PDE7B: variants seen among roughly 807,000 people sequenced by gnomAD.
The protein encoded by PDE7B is phosphodiesterase 7B.
Under a neutral mutation model 56.2 loss-of-function variants are expected in PDE7B, and 29 were observed. That is an observed-to-expected ratio of 0.52 (90% confidence interval 0.38 to 0.70). The LOEUF is 0.70. Among genes scored for constraint, PDE7B ranks in the 30% least tolerant of loss-of-function variants. The pLI is 0.00. For missense variants in PDE7B, 490 were observed against 565.0 expected (o/e 0.87, Z 1.35); for synonymous variants, 197 against 196.9 (o/e 1.00, Z 0.00).
intron 3 of PDE7B, among the ~76,000 whole-genome samples, chr6:136,129,156 A>T (rs912333227): frequency 1.1e-4 from 16 of 152,202 alleles, no homozygotes; most frequent in African/African-American, 3.6e-4. Flanking sequence ...AAAGACTGAT[A>T]AGTGGAAGAA....
At chr6:135,885,661 A>G (rs1775694669) in intron 1 of PDE7B, among the ~76,000 whole-genome samples, 1 of 152,228 alleles carries the variant, frequency 6.6e-6, no homozygotes, top group African/African-American at 2.4e-5. Flanking sequence ...CAAACAAACA[A>G]GCAAAAGTAA....
At chr6:135,993,062 C>G (rs907498357) in intron 2 of PDE7B, 11 of 152,210 alleles carry the variant, frequency 7.2e-5, no homozygotes, top group African/African-American at 2.2e-4. Flanking sequence ...GTTACCTTCT[C>G]CATCCTCATT....
At chr6:135,876,096 A>G (rs1276722859) in intron 1 of PDE7B, among the ~76,000 whole-genome samples, 1 of 152,086 alleles carries the variant, frequency 6.6e-6, no homozygotes, top group Non-Finnish European at 1.5e-5. Context: ...AAGGGGAGGG[A>G]GAAGAAAGGA....
rs1330113117 is a variant in PDE7B, at chr6:135,926,742, T to G, written c.22-20722T>G. Among the ~76,000 whole-genome samples the G allele has an allele frequency of 3.3e-5, 5 of 152,098 alleles. No individual in the cohort carries two copies. The East Asian group carries it at 9.6e-4, about 29-fold the overall frequency. Reference sequence around the variant, plus strand: ...TGTCACGATGTACCACATTTTGGGGTGGCATGTCCTGAACCCCATCCAAAC... The same window carrying G: ...TGTCACGATGTACCACATTTTGGGGGGGCATGTCCTGAACCCCATCCAAAC... On this transcript the variant is annotated intron_variant, in intron 1 of 12. Transcript: ENST00000308191.
intron 3 of PDE7B, chr6:136,115,031 C>G (rs1777808762): frequency 6.6e-6 from 1 of 152,304 alleles, no homozygotes; most frequent in South Asian, 2.1e-4. Flanking sequence ...CTCCCTATTA[C>G]TACCCCTCGA....
intron 8 of PDE7B, 42 bp from the exon 9 acceptor site, chr6:136,173,754 TG>T: frequency 7.9e-7 from 1 of 1,257,864 alleles, no homozygotes; most frequent in Non-Finnish European, 1.2e-6. Context: ...GATCAGTATC[TG>T]GCTTCCCTCT....
chr6:136,177,087 A>C (rs1179841521), intron 9 of PDE7B, among the ~76,000 whole-genome samples: 2 of 150,658 alleles, frequency 1.3e-5, no homozygotes, highest in Admixed American at 6.6e-5. Flanking sequence ...GGAAATTTTC[A>C]TCAGAGTTGG....
intron 5 of PDE7B, 118 bp downstream of exon 5, chr6:136,149,268 A>G (rs912691752): frequency 4.9e-5 from 35 of 713,164 alleles, no homozygotes; most frequent in Non-Finnish European, 7.4e-5. Context: ...CCCCATTTTC[A>G]TAAACCTACA....
In PDE7B at chr6:135,867,992, T is replaced by G. The variant is rs141169737; in HGVS notation, c.21+15973T>G. Among the ~76,000 whole-genome samples, 629 of 152,266 alleles carry G rather than the reference T, an allele frequency of 4.1e-3. 9 individuals are homozygous for G. Among genetic ancestry groups the G allele is most frequent in the South Asian group, 0.02 (95 of 4,822 alleles). ...TAATCTAAGGAATCCACAAATAAAT[T>G]TTTCAAAGCTCATTTTATGTGTTGA... On this transcript the variant is annotated intron_variant, in intron 1 of 12. Transcript: ENST00000308191.
chr6:135,877,820 G>A (rs147926491), intron 1 of PDE7B, among the ~76,000 whole-genome samples: 28 of 152,028 alleles, frequency 1.8e-4, no homozygotes, highest in African/African-American at 6.0e-4. Flanking sequence ...AGCCAGCAAC[G>A]TCAGTGGATG....
chr6:136,094,412 G>A (rs867921479), intron 2 of PDE7B, among the ~76,000 whole-genome samples: 1 of 152,116 alleles, frequency 6.6e-6, no homozygotes, highest in African/African-American at 2.4e-5. Context: ...AAAGTACCAG[G>A]CATGTTCCTT....
intron 3 of PDE7B, among the ~76,000 whole-genome samples, chr6:136,126,232 C>T (rs145481012): frequency 5.3e-5 from 8 of 152,126 alleles, no homozygotes; most frequent in African/African-American, 1.7e-4. Context: ...CCTAAGAAGG[C>T]GAACAACTTC....
chr6:136,170,880 C>T (rs1007270520), intron 8 of PDE7B, among the ~76,000 whole-genome samples: 2 of 151,630 alleles, frequency 1.3e-5, no homozygotes, highest in African/African-American at 4.9e-5. Flanking sequence ...GATTACTCCA[C>T]AATCCAATCA....
intron 1 of PDE7B, among the ~76,000 whole-genome samples, chr6:135,900,858 C>G (rs1388040555): frequency 1.3e-5 from 2 of 151,870 alleles, no homozygotes; most frequent in East Asian, 3.9e-4. Context: ...TCTCCTAGCC[C>G]CCTGTCCAGT....
At chr6:135,971,045 C>T (rs1775085743) in intron 2 of PDE7B, among the ~76,000 whole-genome samples, 1 of 152,022 alleles carries the variant, frequency 6.6e-6, no homozygotes, top group African/African-American at 2.4e-5. Context: ...TGCCAAGATT[C>T]CCATTCTGAA....
chr6:136,155,507 G>A (rs982634109), intron 7 of PDE7B, 120 bp from the exon 8 acceptor site: 10 of 801,082 alleles, frequency 1.2e-5, no homozygotes, highest in African/African-American at 1.2e-4. Context: ...AAAGGGTAAA[G>A]GTCTGGCTGA....
At position 135,998,809 on chromosome 6, in the gene PDE7B, C is replaced by T. The variant is rs559171668; in HGVS notation, c.82+51285C>T. 2.0e-5 allele frequency among the ~76,000 whole-genome samples: 3 copies of T among 151,002 alleles called. No homozygotes were observed. The South Asian group carries it at 6.4e-4, about 32-fold the overall frequency. ...AAAAAAAACACTCCTTAAAGTGATA[C>T]TTAGACATTACAATTTTCACTCTTT... On this transcript the variant is annotated intron_variant, in intron 2 of 12. Coordinates refer to ENST00000308191, the MANE Select transcript of PDE7B (RefSeq NM_018945.4).
chr6:136,140,960 C>T (rs952191761), intron 3 of PDE7B, among the ~76,000 whole-genome samples: 1 of 151,974 alleles, frequency 6.6e-6, no homozygotes, highest in African/African-American at 2.4e-5. Context: ...CCTTTATTTC[C>T]TTCTCCTGCC....
chr6:136,006,203 T>G (rs1775779111), intron 2 of PDE7B, among the ~76,000 whole-genome samples: 1 of 90,932 alleles, frequency 1.1e-5, no homozygotes, highest in African/African-American at 4.6e-5. Flanking sequence ...TGGGGCCTGT[T>G]GTGGGGTGGG....
Sources: gnomAD v4.1 joint callset for allele counts (sites outside exome capture counted in the v4.1 genomes callset) on GRCh38, gnomAD v4.1.1 for gene constraint, MANE v1.5 for transcripts, NCBI Gene and HGNC (gene_info 2026-07-23, HGNC 2026-07-21) for gene names.